RNF212B: variants seen among roughly 807,000 people sequenced by gnomAD.
The protein encoded by RNF212B is E3 ubiquitin-protein ligase RNF212B.
In RNF212B, 52 loss-of-function variants were observed where a neutral mutation model predicts 55.5. The ratio of observed to expected loss-of-function variants is 0.94; its 90% CI spans 0.75 to 1.18. The LOEUF (loss-of-function observed/expected upper bound fraction) is 1.18. Among genes scored for constraint, RNF212B ranks in the 50% most tolerant of loss-of-function variants. RNF212B has a pLI of 0.00. For synonymous variants in RNF212B, 99 were observed against 121.4 expected, an observed-to-expected ratio of 0.82 and a Z score of 1.21; for missense variants, 289 against 350.4, an observed-to-expected ratio of 0.82 and a Z score of 1.40.
intron 2 of RNF212B, among the ~76,000 whole-genome samples, chr14:23,206,237 G>A (rs1566395362): frequency 6.6e-6 from 1 of 152,086 alleles, no homozygotes. Flanking sequence ...ACCATGGCCA[G>A]CTAATTTTTG....
intron 2 of RNF212B, among the ~76,000 whole-genome samples, chr14:23,199,330 T>C (rs534051414): frequency 1.3e-5 from 2 of 152,048 alleles, no homozygotes; most frequent in African/African-American, 4.8e-5. Flanking sequence ...AGATAGGTGA[T>C]ACACAAATGG....
rs1418393486 is a variant in RNF212B, at chr14:23,264,659, G to T, written c.622G>T (p.Asp208Tyr). 1 of 1,330,216 alleles carries T rather than the reference G, an allele frequency of 7.5e-7. No individual in the cohort carries two copies. The highest frequency in any genetic ancestry group is 9.7e-7 in the Non-Finnish European group (1 of 1,032,706). 82.4% of individuals were successfully genotyped at this position (1,330,216 alleles called of 1,614,324 possible). Residue 208 changes from aspartate to tyrosine, a missense_variant, in exon 11 of 15, where the codon GAC becomes TAC. Asp to Tyr is a radical substitution (Grantham distance 160, BLOSUM62 -3). Transcript: ENST00000430154. ...TCTGCAGGGAAGGAGAACTCCCAGA[G>T]ACTCTTATAATGGTGAGGTGGGGGG... The part of the protein sequence containing the change: ...RGLQGRRTPR[D>Y]SYNETPSPAS...
chr14:23,240,507 T>A, intron 2 of RNF212B, 62 bp downstream of exon 2: 3 of 1,011,384 alleles, frequency 3.0e-6, no homozygotes, highest in Non-Finnish European at 4.5e-6. Flanking sequence ...ATGTAAGGAG[T>A]AGCCATTTCT....
intron 14 of RNF212B, 118 bp from the exon 15 acceptor site, chr14:23,272,705 G>A (rs1167497682): frequency 8.5e-6 from 6 of 709,478 alleles, no homozygotes; most frequent in Non-Finnish European, 1.5e-5. Flanking sequence ...AGAAAACTAT[G>A]GGGAAGCAAA....
At chr14:23,216,879 C>CAAAAAAAAAAAA (rs59923716) in intron 2 of RNF212B, among the ~76,000 whole-genome samples, 4 of 48,770 alleles carry the variant, frequency 8.2e-5, no homozygotes, top group Non-Finnish European at 1.4e-4. Context: ...GACCCTGTCT[C>CAAAAAAAAAAAA]AAAAAAAAAA....
In RNF212B at chr14:23,224,260, T is replaced by G. The variant is rs796182147; in HGVS notation, c.-1-16085T>G. Among the ~76,000 whole-genome samples, 11 of 152,044 alleles carry G rather than the reference T, an allele frequency of 7.2e-5. 1 individual carries two copies. The highest frequency in any genetic ancestry group is 2.6e-4 in the African/African-American group (11 of 41,518). On this transcript the variant is annotated intron_variant, in intron 2 of 15. Transcript: ENST00000399910. ...CAAAAAAAAAAAGCTATCCTAAAAT[T>G]TGTATGAAACAACAGAAGACCCAGA...
intron 2 of RNF212B, among the ~76,000 whole-genome samples, chr14:23,224,961 C>T (rs1472300750): frequency 1.3e-5 from 2 of 152,082 alleles, no homozygotes; most frequent in Non-Finnish European, 2.9e-5. Context: ...GTAGACATTT[C>T]TCAAAAGAAG....
chr14:23,240,908 T>C (rs960509634), intron 2 of RNF212B, among the ~76,000 whole-genome samples: 4 of 152,214 alleles, frequency 2.6e-5, no homozygotes, highest in Non-Finnish European at 4.4e-5. Flanking sequence ...TATGTAAGCC[T>C]CACCACAAGC....
At chr14:23,234,063 C>T (rs541657765), upstream of RNF212B, among the ~76,000 whole-genome samples, 10 of 152,232 alleles carry the variant, frequency 6.6e-5, no homozygotes, top group African/African-American at 1.9e-4. Context: ...TACCACTGCA[C>T]TTGCACTCCA....
chr14:23,244,210 G>GGTC, intron 3 of RNF212B, 112 bp from the exon 4 acceptor site: 2 of 559,806 alleles, frequency 3.6e-6, no homozygotes, highest in East Asian at 3.1e-5. Context: ...TACACACAGT[G>GGTC]GAGATAATGT....
chr14:23,233,923 C>T (rs1184239947), upstream of RNF212B, among the ~76,000 whole-genome samples: 1 of 151,998 alleles, frequency 6.6e-6, no homozygotes, highest in Admixed American at 6.6e-5. Flanking sequence ...ACGGTGAAAC[C>T]CTGTCTCTAC....
chr14:23,252,155 C>T (rs1243669950), intron 4 of RNF212B, among the ~76,000 whole-genome samples: 2 of 152,062 alleles, frequency 1.3e-5, no homozygotes, highest in Non-Finnish European at 2.9e-5. Context: ...CCCCTGGCAA[C>T]AAGTCCCCAT....
chr14:23,232,062 C>G (rs1882670048), intron 2 of RNF212B, among the ~76,000 whole-genome samples: 1 of 152,088 alleles, frequency 6.6e-6, no homozygotes, highest in Non-Finnish European at 1.5e-5. Flanking sequence ...GCCCGGCTGC[C>G]ACCCCGTCTG....
intron 7 of RNF212B, among the ~76,000 whole-genome samples, chr14:23,262,345 A>G (rs1279457278): frequency 6.6e-6 from 1 of 152,116 alleles, no homozygotes; most frequent in Non-Finnish European, 1.5e-5. Context: ...GGATGGAGGG[A>G]TGTATGAATG....
At chr14:23,270,270 T>TTA in intron 13 of RNF212B, among the ~76,000 whole-genome samples, 1 of 152,176 alleles carries the variant, frequency 6.6e-6, no homozygotes, top group Non-Finnish European at 1.5e-5. Flanking sequence ...GTTCTGAGGA[T>TTA]TATAAGGCCA....
rs541785125 is a variant in RNF212B, at chr14:23,267,435, A to AT, written c.635-1476dup. On this transcript the variant is annotated intron_variant, in intron 11 of 14. Transcript: ENST00000430154. ...TTTAATGCCTTTGTCTCTTGTAACA[A>AT]TTTTTTTTTTTTTGGGACAGAGTCT... 2.7e-3 allele frequency among the ~76,000 whole-genome samples: 385 copies of AT among 143,968 alleles called. 1 individual carries two copies. The highest frequency in any genetic ancestry group is 7.5e-3 in the East Asian group (37 of 4,948). 94.4% of individuals were successfully genotyped at this position (143,968 alleles called of 152,430 possible).
intron 2 of RNF212B, among the ~76,000 whole-genome samples, chr14:23,202,891 T>G (rs1210502191): frequency 6.6e-6 from 1 of 152,090 alleles, no homozygotes; most frequent in Non-Finnish European, 1.5e-5. Flanking sequence ...GTTTAAAATT[T>G]AACAGGACTT....
chr14:23,215,583 G>A (rs897160832), intron 2 of RNF212B, among the ~76,000 whole-genome samples: 1 of 152,126 alleles, frequency 6.6e-6, no homozygotes, highest in African/African-American at 2.4e-5. Context: ...CATTCTTCAA[G>A]TGCTGAAAGA....
chr14:23,220,021 C>A (rs984810938), intron 2 of RNF212B, among the ~76,000 whole-genome samples: 6 of 151,210 alleles, frequency 4.0e-5, no homozygotes, highest in Non-Finnish European at 7.4e-5. Flanking sequence ...CCATCTCTAC[C>A]AAAAATACAA....
Sources: allele counts gnomAD v4.1 joint callset (sites outside exome capture counted in the v4.1 genomes callset), GRCh38; gene constraint gnomAD v4.1.1; transcripts MANE v1.5; gene names NCBI Gene and HGNC (gene_info 2026-07-23, HGNC 2026-07-21).